Variants in RABGAP1L observed in about 807,000 individuals in gnomAD.
The protein encoded by RABGAP1L is rab GTPase-activating protein 1-like.
Under a neutral mutation model 137.7 loss-of-function variants are expected in RABGAP1L, and 63 were observed. The observed-to-expected ratio is 0.46, with a 90% confidence interval of 0.37 to 0.56. RABGAP1L has a LOEUF of 0.56. RABGAP1L is among the 20% of genes least tolerant of loss of function. RABGAP1L has a pLI of 0.00. For missense variants in RABGAP1L, 1,095 were observed against 1,244.0 expected, an observed-to-expected ratio of 0.88 and a Z score of 1.80; for synonymous variants, 431 against 433.7, an observed-to-expected ratio of 0.99 and a Z score of 0.08.
intron 19 of RABGAP1L, chr1:174,892,435 A>G: frequency 2.4e-6 from 1 of 422,904 alleles, no homozygotes; most frequent in Non-Finnish European, 4.6e-6. Context: ...ATCAACACGA[A>G]ATTGTTCATC....
chr1:174,676,463 T>G (rs572426014), intron 14 of RABGAP1L, among the ~76,000 whole-genome samples: 2 of 152,212 alleles, frequency 1.3e-5, no homozygotes. Context: ...TTAAATAGTT[T>G]TTGTGACAAA....
intron 19 of RABGAP1L, among the ~76,000 whole-genome samples, chr1:174,938,811 G>C (rs1210226336): frequency 6.6e-6 from 1 of 152,158 alleles, no homozygotes; most frequent in African/African-American, 2.4e-5. Context: ...GAAATGAGGA[G>C]GGCTGGGCTG....
intron 14 of RABGAP1L, among the ~76,000 whole-genome samples, chr1:174,651,691 G>C (rs552068784): frequency 6.6e-6 from 1 of 152,130 alleles, no homozygotes; most frequent in East Asian, 1.9e-4. Flanking sequence ...TTGCTTGGTA[G>C]ATCTTCCTCC....
chr1:174,882,534 G>A (rs991223386), intron 19 of RABGAP1L, among the ~76,000 whole-genome samples: 18 of 152,076 alleles, frequency 1.2e-4, no homozygotes, highest in African/African-American at 3.4e-4. Context: ...TTATTCAATC[G>A]TTTAAAGGCT....
intron 14 of RABGAP1L, among the ~76,000 whole-genome samples, chr1:174,644,108 CTT>C (rs1190836382): frequency 1.3e-5 from 2 of 151,780 alleles, no homozygotes; most frequent in African/African-American, 4.8e-5. Context: ...GTAGGATAGA[CTT>C]TATGAGTCAC....
At chr1:174,791,145 C>T (rs1387201039) in intron 18 of RABGAP1L, among the ~76,000 whole-genome samples, 2 of 149,438 alleles carry the variant, frequency 1.3e-5, no homozygotes. Context: ...GAGCCAAGAT[C>T]GTGCCATTGC....
intron 17 of RABGAP1L, among the ~76,000 whole-genome samples, chr1:174,722,009 G>T (rs908119071): frequency 1.3e-5 from 2 of 152,090 alleles, no homozygotes; most frequent in Non-Finnish European, 2.9e-5. Flanking sequence ...TCAGCCCACT[G>T]CACCCTCTGA....
At chr1:174,338,888 A>G (rs1435317200) in intron 11 of RABGAP1L, among the ~76,000 whole-genome samples, 1 of 152,160 alleles carries the variant, frequency 6.6e-6, no homozygotes, top group Non-Finnish European at 1.5e-5. Context: ...TGTAATAAAA[A>G]AAGAAGAAAA....
chr1:174,624,599 T>C (rs1314724382), intron 13 of RABGAP1L, among the ~76,000 whole-genome samples: 1 of 152,192 alleles, frequency 6.6e-6, no homozygotes, highest in Non-Finnish European at 1.5e-5. Flanking sequence ...ATGTAAATTA[T>C]ACTTATAAAT....
At chr1:174,176,741 A>AAAAATAAAATAAAATAAAAT (rs1553248319) in intron 1 of RABGAP1L, among the ~76,000 whole-genome samples, 3 of 111,778 alleles carry the variant, frequency 2.7e-5, no homozygotes, top group African/African-American at 1.1e-4. Context: ...AAAAAAAAAA[A>AAAAATAAAATAAAATAAAAT]AAAAAGGTCA....
intron 14 of RABGAP1L, among the ~76,000 whole-genome samples, chr1:174,678,399 A>G (rs1014960595): frequency 1.3e-5 from 2 of 152,132 alleles, no homozygotes; most frequent in East Asian, 1.9e-4. Context: ...AAAATGTGTC[A>G]GGCATTACCA....
At chr1:174,402,946 T>G (rs1398046094) in intron 13 of RABGAP1L, among the ~76,000 whole-genome samples, 1 of 152,152 alleles carries the variant, frequency 6.6e-6, no homozygotes, top group African/African-American at 2.4e-5. Flanking sequence ...AGTAATTGTA[T>G]GACATATATG....
At chr1:174,402,998 G>A (rs1233409854) in intron 13 of RABGAP1L, among the ~76,000 whole-genome samples, 4 of 152,004 alleles carry the variant, frequency 2.6e-5, no homozygotes, top group Non-Finnish European at 4.4e-5. Flanking sequence ...TATAACATAG[G>A]AAATATTAGA....
intron 19 of RABGAP1L, among the ~76,000 whole-genome samples, chr1:174,954,856 C>T (rs183340753): frequency 4.6e-5 from 7 of 152,278 alleles, no homozygotes. Context: ...CCTGAAGCTT[C>T]CCCTTTTTCT....
At chr1:174,877,382 T>A (rs759190838) in intron 19 of RABGAP1L, 124 of 1,286,752 alleles carry the variant, frequency 9.6e-5, no homozygotes, top group East Asian at 1.9e-4. Context: ...CTCCACCCCC[T>A]CGAACTCAGG....
chr1:174,610,719 C>G (rs868313921), intron 13 of RABGAP1L, among the ~76,000 whole-genome samples: 1,673 of 152,210 alleles, frequency 0.011, 12 homozygotes, highest in Non-Finnish European at 0.013. Context: ...AGCACCTGTT[C>G]TTTCCTGACT....
chr1:174,372,814 C>T (rs1685212196), intron 12 of RABGAP1L, among the ~76,000 whole-genome samples: 1 of 152,076 alleles, frequency 6.6e-6, no homozygotes, highest in South Asian at 2.1e-4. Context: ...CCTGGCAATT[C>T]ATTTGCACTA....
rs540565793 is a variant in RABGAP1L, at chr1:174,295,217, T to A, written c.1324-9769T>A. Among the ~76,000 whole-genome samples, 5 of 135,514 alleles carry A rather than the reference T, an allele frequency of 3.7e-5. No homozygotes were observed. In the East Asian group the frequency reaches 1.1e-3, roughly 30 times the overall value. The allele number at this position is 135,514 out of a possible 152,430, so 88.9% of individuals were successfully genotyped here. On this transcript the variant is annotated intron_variant, in intron 10 of 25. Coordinates refer to ENST00000681986, the MANE Select transcript of RABGAP1L (RefSeq NM_001366446.1). ...CAGGCATGAGCCACTGCGCCCGGACTTTTTTTTTTTTTTTTGGAGACAAAG... is the reference window on the plus strand; with the variant it reads ...CAGGCATGAGCCACTGCGCCCGGACATTTTTTTTTTTTTTTGGAGACAAAG...
chr1:174,622,857 A>C (rs961964632), intron 13 of RABGAP1L, among the ~76,000 whole-genome samples: 1 of 152,200 alleles, frequency 6.6e-6, no homozygotes, highest in Non-Finnish European at 1.5e-5. Flanking sequence ...AGTATATTTT[A>C]AAAAATACCG....
Sources: allele counts gnomAD v4.1 joint callset (sites outside exome capture counted in the v4.1 genomes callset), GRCh38; gene constraint gnomAD v4.1.1; transcripts MANE v1.5; gene names NCBI Gene and HGNC (gene_info 2026-07-23, HGNC 2026-07-21).